COMMD1: variants seen among roughly 807,000 people sequenced by gnomAD.
COMMD1 encodes COMM domain-containing protein 1.
COMMD1 carries 10 observed loss-of-function variants against 17.2 expected under a neutral mutation model. That is an observed-to-expected ratio of 0.58 (90% CI 0.36 to 0.99). COMMD1 has a LOEUF of 0.99. COMMD1 is among the 50% of genes least tolerant of loss of function. COMMD1 has a pLI of 0.01. For synonymous variants in COMMD1, 97 were observed against 91.6 expected (o/e 1.06, Z -0.34); for missense variants, 270 against 231.8 (o/e 1.17, Z -1.07).
chr2:61,903,977 T>A (rs1669714170), upstream of COMMD1, among the ~76,000 whole-genome samples: 1 of 152,214 alleles, frequency 6.6e-6, no homozygotes, highest in South Asian at 2.1e-4. Flanking sequence ...AAAGTCAAAC[T>A]CTATTTTATA....
chr2:62,124,016 C>T (rs564264499), intron 2 of COMMD1, among the ~76,000 whole-genome samples: 7 of 149,830 alleles, frequency 4.7e-5, no homozygotes, highest in Non-Finnish European at 8.8e-5. Flanking sequence ...AAAGTTCCTC[C>T]CAGCCAGGCA....
At chr2:61,889,914 A>G (rs924785547) in intron 1 of COMMD1, among the ~76,000 whole-genome samples, 1 of 152,204 alleles carries the variant, frequency 6.6e-6, no homozygotes, top group Non-Finnish European at 1.5e-5. Context: ...AGTCCTCACA[A>G]TAATCCTTTA....
At chr2:61,898,758 A>T (rs1669601893) in intron 1 of COMMD1, among the ~76,000 whole-genome samples, 1 of 152,226 alleles carries the variant, frequency 6.6e-6, no homozygotes, top group African/African-American at 2.4e-5. Context: ...AAACCTGTTT[A>T]CAAGGAGGGC....
chr2:62,013,368 A>G (rs1669342273), intron 2 of COMMD1, among the ~76,000 whole-genome samples: 1 of 152,214 alleles, frequency 6.6e-6, no homozygotes, highest in African/African-American at 2.4e-5. Flanking sequence ...CCACTCCAAA[A>G]AATAGTAGAA....
intron 2 of COMMD1, among the ~76,000 whole-genome samples, chr2:62,125,643 A>G (rs1169006694): frequency 2.0e-5 from 3 of 152,190 alleles, no homozygotes; most frequent in African/African-American, 4.8e-5. Context: ...TTATGTCACA[A>G]ATTTTCTTTT....
chr2:62,003,638 A>ACACACACACC (rs1393950755), intron 2 of COMMD1, among the ~76,000 whole-genome samples: 1 of 148,466 alleles, frequency 6.7e-6, no homozygotes. Context: ...ACACACACAC[A>ACACACACACC]CACCCAACAG....
upstream of COMMD1, among the ~76,000 whole-genome samples, chr2:61,902,775 G>T (rs1410055424): frequency 2.0e-5 from 3 of 152,046 alleles, no homozygotes; most frequent in Non-Finnish European, 2.9e-5. Context: ...GGCCTGGGAG[G>T]TCGAGACTGC....
intron 2 of COMMD1, among the ~76,000 whole-genome samples, chr2:62,053,904 G>T (rs1670614280): frequency 1.3e-5 from 2 of 152,178 alleles, no homozygotes; most frequent in African/African-American, 4.8e-5. Context: ...AACCCACAGA[G>T]TAAAGAGACA....
chr2:61,913,816 A>AAGAG (rs1553367040), intron 1 of COMMD1, among the ~76,000 whole-genome samples: 3 of 100,192 alleles, frequency 3.0e-5, no homozygotes, highest in Admixed American at 2.8e-4. Flanking sequence ...AAAAAAAAAA[A>AAGAG]AGAAAAGTGT....
At chr2:62,004,052 C>T (rs1015107874) in intron 2 of COMMD1, among the ~76,000 whole-genome samples, 2 of 151,860 alleles carry the variant, frequency 1.3e-5, no homozygotes, top group Non-Finnish European at 1.5e-5. Flanking sequence ...CACTTGAGCC[C>T]GGAAGGCGGA....
At chr2:62,095,806 GCA>G (rs1671987029) in intron 2 of COMMD1, among the ~76,000 whole-genome samples, 1 of 42,732 alleles carries the variant, frequency 2.3e-5, no homozygotes, top group Admixed American at 2.0e-4. Flanking sequence ...TTCACAGCAT[GCA>G]TATATATATA....
intron 2 of COMMD1, among the ~76,000 whole-genome samples, chr2:62,117,891 C>T (rs1672648739): frequency 6.6e-6 from 1 of 152,086 alleles, no homozygotes; most frequent in African/African-American, 2.4e-5. Context: ...GCACCCTGCC[C>T]CGCACTCCCC....
At chr2:61,912,292 G>A (rs749922866) in intron 1 of COMMD1, among the ~76,000 whole-genome samples, 1 of 152,164 alleles carries the variant, frequency 6.6e-6, no homozygotes, top group Non-Finnish European at 1.5e-5. Context: ...GTGTTTAAAT[G>A]TGGAGATTGC....
At chr2:61,981,537 T>A (rs544506062) in intron 1 of COMMD1, among the ~76,000 whole-genome samples, 1 of 152,300 alleles carries the variant, frequency 6.6e-6, no homozygotes, top group South Asian at 2.1e-4. Flanking sequence ...GTTGTTTTGG[T>A]TACTGTATTA....
At chr2:62,025,705 T>C (rs1474407861) in intron 2 of COMMD1, among the ~76,000 whole-genome samples, 1 of 152,166 alleles carries the variant, frequency 6.6e-6, no homozygotes, top group African/African-American at 2.4e-5. Flanking sequence ...ATTTTGTTTT[T>C]GGAGTCAGAG....
chr2:61,975,374 G>A lies in COMMD1; in HGVS notation c.181-25327G>A, dbSNP rs1471430911. Among the ~76,000 whole-genome samples, 3 of 152,092 alleles carry A rather than the reference G, an allele frequency of 2.0e-5. No homozygotes were observed. In the East Asian group the frequency reaches 5.8e-4, roughly 29 times the overall value. ...GTAATTTTTCAATTCATTTGGGGAGGTATCAAGGAGAGTGATTGCTGGATT... is the reference window on the plus strand; with the variant it reads ...GTAATTTTTCAATTCATTTGGGGAGATATCAAGGAGAGTGATTGCTGGATT... On this transcript the variant is annotated intron_variant, in intron 1 of 2. Coordinates refer to ENST00000311832, the MANE Select transcript of COMMD1 (RefSeq NM_152516.4).
At chr2:61,912,143 A>C (rs994261877) in intron 1 of COMMD1, among the ~76,000 whole-genome samples, 1 of 152,170 alleles carries the variant, frequency 6.6e-6, no homozygotes, top group Admixed American at 6.6e-5. Flanking sequence ...TTTGTTAACT[A>C]TTCTACTAGA....
At position 61,969,284 on chromosome 2, in the gene COMMD1, C is replaced by T. The variant is rs574861565; in HGVS notation, c.181-31417C>T. Among the ~76,000 whole-genome samples the T allele has an allele frequency of 3.9e-5, 6 of 151,958 alleles. No individual in the cohort carries two copies. In the East Asian group the frequency reaches 7.7e-4, roughly 20 times the overall value. On this transcript the variant is annotated intron_variant, in intron 1 of 2. Coordinates refer to ENST00000311832, the MANE Select transcript of COMMD1 (RefSeq NM_152516.4). ...GCTATAGAAATACAAGTTTTTTTGACGTGGCATTTGATCTTTAATTATATA... is the reference window on the plus strand; with the variant it reads ...GCTATAGAAATACAAGTTTTTTTGATGTGGCATTTGATCTTTAATTATATA...
chr2:62,000,986 A>G lies in COMMD1; in HGVS notation c.462+4A>G. 1 of 1,611,366 alleles carries G rather than the reference A, an allele frequency of 6.2e-7. No individual in the cohort carries two copies. Among genetic ancestry groups the G allele is most frequent in the South Asian group, 1.1e-5 (1 of 91,030 alleles). On this transcript the variant is annotated splice_donor_region_variant and intron_variant, in intron 2 of 2. Transcript: ENST00000311832. ...GGAATTAGGCAAATATGGACAGGTGAGTTAAACTTAAGTCAATTTTCCTTT... is the reference window on the plus strand; with the variant it reads ...GGAATTAGGCAAATATGGACAGGTGGGTTAAACTTAAGTCAATTTTCCTTT...
Sources: allele counts gnomAD v4.1 joint callset (sites outside exome capture counted in the v4.1 genomes callset), GRCh38; gene constraint gnomAD v4.1.1; transcripts MANE v1.5; gene names NCBI Gene and HGNC (gene_info 2026-07-23, HGNC 2026-07-21).